RBFOX1: variants seen among roughly 807,000 people sequenced by gnomAD.
RBFOX1 encodes RNA binding fox-1 homolog 1.
RBFOX1 carries 8 observed loss-of-function variants against 57.7 expected under a neutral mutation model. The ratio of observed to expected loss-of-function variants is 0.14; its 90% CI spans 0.08 to 0.25. The LOEUF (loss-of-function observed/expected upper bound fraction) is 0.25, where lower values mean the gene tolerates loss of function less well. RBFOX1 is among the 10% of genes least tolerant of loss of function. The pLI is 1.00. For missense variants in RBFOX1, 611 were observed against 548.5 expected, an observed-to-expected ratio of 1.11 and a Z score of -1.14; for synonymous variants, 326 against 222.4, an observed-to-expected ratio of 1.47 and a Z score of -4.15.
chr16:5,870,972 A>G (rs956761754), intron 4 of RBFOX1, among the ~76,000 whole-genome samples: 1 of 152,160 alleles, frequency 6.6e-6, no homozygotes, highest in African/African-American at 2.4e-5. Flanking sequence ...TGACAAACCC[A>G]CAGAATCAGT....
chr16:6,395,251 T>C (rs2092776523), intron 2 of RBFOX1, among the ~76,000 whole-genome samples: 1 of 152,212 alleles, frequency 6.6e-6, no homozygotes, highest in Non-Finnish European at 1.5e-5. Context: ...ATTAAACGAA[T>C]GCGTTTTTGT....
At chr16:6,217,174 CTTTTTT>C (rs71142697) in intron 1 of RBFOX1, among the ~76,000 whole-genome samples, 2 of 119,080 alleles carry the variant, frequency 1.7e-5, no homozygotes, top group Non-Finnish European at 3.3e-5. Flanking sequence ...TTAGGGGATT[CTTTTTT>C]TTTTTTTTTT....
chr16:6,875,793 C>T (rs541892291), intron 3 of RBFOX1, among the ~76,000 whole-genome samples: 17 of 152,124 alleles, frequency 1.1e-4, no homozygotes, highest in East Asian at 7.8e-4. Flanking sequence ...TTATTTGAGG[C>T]CAGGAGTTCA....
intron 2 of RBFOX1, among the ~76,000 whole-genome samples, chr16:6,447,728 C>T (rs1192722920): frequency 6.6e-6 from 1 of 152,206 alleles, no homozygotes; most frequent in South Asian, 2.1e-4. Context: ...CTGTATGCCA[C>T]ACCAAATGCT....
chr16:6,806,205 T>G lies in RBFOX1; in HGVS notation c.-16+151555T>G, dbSNP rs565968269. On this transcript the variant is annotated intron_variant, in intron 3 of 15. Transcript: ENST00000550418. The stretch of plus-strand genomic sequence containing the variant: ...CAATATAAGAGAAAAATTAGCAAAT[T>G]AATTAATTGGATGTTGTTCTATAGC... Among the ~76,000 whole-genome samples, 3 of 152,298 alleles carry G rather than the reference T, an allele frequency of 2.0e-5. No individual in the cohort carries two copies. In the South Asian group the frequency reaches 6.2e-4, roughly 32 times the overall value.
At chr16:6,519,729 A>T (rs2096462828) in intron 2 of RBFOX1, among the ~76,000 whole-genome samples, 1 of 152,192 alleles carries the variant, frequency 6.6e-6, no homozygotes, top group African/African-American at 2.4e-5. Flanking sequence ...AAACTCTGCG[A>T]GAACTACCAA....
chr16:6,939,139 C>T (rs760953253), intron 3 of RBFOX1, among the ~76,000 whole-genome samples: 2 of 152,030 alleles, frequency 1.3e-5, no homozygotes, highest in Non-Finnish European at 2.9e-5. Flanking sequence ...GCCAAGGTCA[C>T]ACCACTAACT....
At chr16:7,571,588 A>G (rs1040872447) in intron 5 of RBFOX1, among the ~76,000 whole-genome samples, 1 of 152,160 alleles carries the variant, frequency 6.6e-6, no homozygotes, top group South Asian at 2.1e-4. Flanking sequence ...CTGCGCCGAT[A>G]CCTGGGGAGT....
chr16:5,772,866 A>C (rs956976549), intron 3 of RBFOX1, among the ~76,000 whole-genome samples: 16 of 152,148 alleles, frequency 1.1e-4, no homozygotes, highest in African/African-American at 3.9e-4. Flanking sequence ...TTTAAATAAG[A>C]GGTCAAGAGT....
At chr16:6,483,224 C>G in intron 2 of RBFOX1, 6 of 1,224,546 alleles carry the variant, frequency 4.9e-6, no homozygotes, top group South Asian at 2.7e-5. Context: ...AAGCCGGACC[C>G]GGGCCCTGGC....
intron 3 of RBFOX1, among the ~76,000 whole-genome samples, chr16:5,618,174 G>A (rs966211996): frequency 3.3e-5 from 5 of 152,220 alleles, no homozygotes; most frequent in East Asian, 3.9e-4. Flanking sequence ...CTACTCTGTC[G>A]TCTCTTTCCT....
chr16:6,084,698 G>C (rs2096060237), intron 1 of RBFOX1, among the ~76,000 whole-genome samples: 1 of 152,140 alleles, frequency 6.6e-6, no homozygotes, highest in Non-Finnish European at 1.5e-5. Flanking sequence ...GGGATTCCTT[G>C]GTTAGGAGAT....
intron 2 of RBFOX1, among the ~76,000 whole-genome samples, chr16:6,486,552 T>C (rs1265189930): frequency 6.6e-6 from 1 of 152,188 alleles, no homozygotes; most frequent in Admixed American, 6.5e-5. Flanking sequence ...AAAGTAATTC[T>C]GTTGGGATTA....
intron 3 of RBFOX1, among the ~76,000 whole-genome samples, chr16:6,806,711 GTAT>G (rs1356289121): frequency 6.7e-6 from 1 of 149,640 alleles, no homozygotes; most frequent in Non-Finnish European, 1.5e-5. Flanking sequence ...TGTCTTACAT[GTAT>G]TACCAGGGGA....
intron 2 of RBFOX1, among the ~76,000 whole-genome samples, chr16:6,594,251 A>G (rs2097755092): frequency 6.6e-6 from 1 of 152,230 alleles, no homozygotes; most frequent in Non-Finnish European, 1.5e-5. Context: ...TAAATGAAGA[A>G]GGAAACACGA....
chr16:6,816,981 C>G (rs1227792432), intron 3 of RBFOX1, among the ~76,000 whole-genome samples: 1 of 152,040 alleles, frequency 6.6e-6, no homozygotes, highest in Non-Finnish European at 1.5e-5. Flanking sequence ...CTCCTGTGCT[C>G]AAGCGATCCC....
chr16:6,974,001 C>G (rs74769253), intron 3 of RBFOX1, among the ~76,000 whole-genome samples: 8,304 of 152,200 alleles, frequency 0.055, 252 homozygotes, highest in African/African-American at 0.072. Context: ...TTGTTCAGCT[C>G]TCACTTTTAA....
At chr16:6,992,148 C>G (rs1356821629) in intron 3 of RBFOX1, among the ~76,000 whole-genome samples, 1 of 150,834 alleles carries the variant, frequency 6.6e-6, no homozygotes, top group Non-Finnish European at 1.5e-5. Context: ...GAAGCAGAAC[C>G]AAGCTCATAG....
At chr16:6,640,349 C>G (rs112702041) in intron 2 of RBFOX1, among the ~76,000 whole-genome samples, 2,858 of 152,200 alleles carry the variant, frequency 0.019, 68 homozygotes, top group African/African-American at 0.066. Context: ...TGGCTCACAT[C>G]TGTAATCCCA....
Sources: gnomAD v4.1 joint callset for allele counts (sites outside exome capture counted in the v4.1 genomes callset) on GRCh38, gnomAD v4.1.1 for gene constraint, MANE v1.5 for transcripts, NCBI Gene and HGNC (gene_info 2026-07-23, HGNC 2026-07-21) for gene names.